Variants in ABCA13 observed in about 807,000 individuals in gnomAD.
ABCA13 encodes the protein ATP-binding cassette sub-family A member 13.
A neutral mutation model predicts 478.7 loss-of-function variants in ABCA13; 476 were observed. The observed-to-expected ratio is 0.99, with a 90% CI of 0.92 to 1.07. The LOEUF (loss-of-function observed/expected upper bound fraction) is 1.07. ABCA13 is among the 50% of genes least tolerant of loss of function. The probability of loss-of-function intolerance (pLI) is 0.00; values close to 1 mark genes in which losing one functional copy is unlikely to be tolerated. For missense variants in ABCA13, 6,060 were observed against 5,910.6 expected, an observed-to-expected ratio of 1.03 and a Z score of -0.83; for synonymous variants, 2,252 against 2,158.9, an observed-to-expected ratio of 1.04 and a Z score of -1.20.
At chr7:48,421,083 G>A (rs1235186935) in intron 41 of ABCA13, among the ~76,000 whole-genome samples, 1 of 152,198 alleles carries the variant, frequency 6.6e-6, no homozygotes, top group Non-Finnish European at 1.5e-5. Context: ...GCTCCTGGCT[G>A]CCTGCTACAC....
rs2128782393 is a variant in ABCA13 at position 48,281,567 on chromosome 7, G to A, written c.8836+115G>A. On this transcript the variant is annotated intron_variant, in intron 19 of 61. Transcript: ENST00000435803. ...GTTTCTTTTAGAACAAAGCACAGCT[G>A]TCTTAGTCTGGCAACCAGGCCTTGA... 3.2e-6 allele frequency: 3 copies of A among 940,648 alleles called. No homozygotes were observed. The East Asian group carries it at 8.0e-5, about 25-fold the overall frequency. 58.3% of individuals were successfully genotyped at this position (940,648 alleles called of 1,614,324 possible).
chr7:48,267,235 A>T (rs925354127), intron 15 of ABCA13, among the ~76,000 whole-genome samples: 1 of 152,046 alleles, frequency 6.6e-6, no homozygotes, highest in African/African-American at 2.4e-5. Context: ...ATCCTTACTG[A>T]TATTATGTCT....
At chr7:48,334,408 C>T (rs138495082) in intron 27 of ABCA13, among the ~76,000 whole-genome samples, 5,653 of 151,102 alleles carry the variant, frequency 0.037, 126 homozygotes, top group Middle Eastern at 0.058. Context: ...AATCTTGGCT[C>T]ACTGCAAGCT....
chr7:48,246,657 A>G (rs1791735656), intron 13 of ABCA13, among the ~76,000 whole-genome samples: 1 of 152,182 alleles, frequency 6.6e-6, no homozygotes, highest in Admixed American at 6.5e-5. Context: ...TAATGAAACT[A>G]GTGAAATATA....
intron 53 of ABCA13, among the ~76,000 whole-genome samples, chr7:48,523,770 T>G (rs1023092130): frequency 7.2e-5 from 11 of 152,280 alleles, no homozygotes; most frequent in African/African-American, 2.6e-4. Context: ...GAATACTTTT[T>G]GCAAAGTATT....
At chr7:48,229,061 C>T (rs1246867760) in intron 6 of ABCA13, among the ~76,000 whole-genome samples, 1 of 152,012 alleles carries the variant, frequency 6.6e-6, no homozygotes, top group African/African-American at 2.4e-5. Flanking sequence ...CTTCAATACA[C>T]AAAGTTGTCA....
chr7:48,503,953 C>A (rs2130838937), intron 48 of ABCA13, among the ~76,000 whole-genome samples: 2 of 152,166 alleles, frequency 1.3e-5, no homozygotes, highest in African/African-American at 4.8e-5. Flanking sequence ...GTAATGTATA[C>A]ATATATCAAA....
At chr7:48,347,109 T>A (rs1808235532) in intron 29 of ABCA13, among the ~76,000 whole-genome samples, 1 of 152,218 alleles carries the variant, frequency 6.6e-6, no homozygotes, top group Non-Finnish European at 1.5e-5. Context: ...CAGTAGCATT[T>A]CACAGCACTG....
chr7:48,511,919 A>G (rs1158087628), intron 51 of ABCA13, among the ~76,000 whole-genome samples: 1 of 152,186 alleles, frequency 6.6e-6, no homozygotes, highest in Non-Finnish European at 1.5e-5. Flanking sequence ...AAATGAAGTG[A>G]TTTTTACAGT....
intron 43 of ABCA13, among the ~76,000 whole-genome samples, chr7:48,461,355 C>T (rs900945426): frequency 4.6e-5 from 7 of 152,130 alleles, no homozygotes; most frequent in African/African-American, 1.7e-4. Flanking sequence ...AACTCTGGAC[C>T]GACTTTGCAT....
intron 55 of ABCA13, among the ~76,000 whole-genome samples, chr7:48,548,883 A>C (rs1785059591): frequency 1.3e-5 from 2 of 151,666 alleles, no homozygotes; most frequent in African/African-American, 4.8e-5. Flanking sequence ...TGCCAGGCAC[A>C]GGTGAGTCTA....
At chr7:48,351,391 CAA>C (rs1808967245) in intron 30 of ABCA13, among the ~76,000 whole-genome samples, 1 of 152,136 alleles carries the variant, frequency 6.6e-6, no homozygotes, top group Non-Finnish European at 1.5e-5. Context: ...CAGACTAAAA[CAA>C]GAGAAGTTTA....
In ABCA13 at chr7:48,516,863, C is replaced by T. The variant is rs976440848; in HGVS notation, c.13779C>T (p.Ala4593=). 1.2e-6 allele frequency: 2 copies of T among 1,613,590 alleles called. No individual in the cohort carries two copies. Among genetic ancestry groups the T allele is most frequent in the Non-Finnish European group, 1.7e-6 (2 of 1,179,648 alleles). ...MLITIMPRLL[A]IISKAKNLQN... is the part of the protein sequence containing the mutation. The stretch of plus-strand genomic sequence containing the variant: ...TAACCATTATGCCCCGGTTGCTAGC[C>T]ATCATCTCCAAAGCTAAGGTCAGTA... The change falls in exon 52 of 62, where the codon GCC becomes GCT. Residue 4593 remains alanine (A), a synonymous_variant. Transcript: ENST00000435803.
rs545441905 is a variant in ABCA13, at chr7:48,417,327, G to C, written c.12459+4744G>C. ...TTTTCAACATTTCAAAAGAAACCCA[G>C]TGCCTTCTAGTCACATTTAGGATTT... is the stretch of plus-strand genomic sequence containing the variant. On this transcript the variant is annotated intron_variant, in intron 41 of 61. Coordinates refer to ENST00000435803, the MANE Select transcript of ABCA13 (RefSeq NM_152701.5). Among the ~76,000 whole-genome samples the C allele has an allele frequency of 1.4e-4, 22 of 152,182 alleles. No individual in the cohort carries two copies. In the South Asian group the frequency reaches 4.1e-3, roughly 29 times the overall value.
intron 50 of ABCA13, among the ~76,000 whole-genome samples, chr7:48,510,176 A>G (rs1476183553): frequency 0.035 from 3 of 86 alleles, no homozygotes; most frequent in Non-Finnish European, 0.079. Context: ...TGCGCAGGAT[A>G]CAGTTGGCCA....
At chr7:48,464,608 T>G (rs985590394) in intron 43 of ABCA13, among the ~76,000 whole-genome samples, 1 of 152,200 alleles carries the variant, frequency 6.6e-6, no homozygotes, top group African/African-American at 2.4e-5. Flanking sequence ...GCATTTCTTC[T>G]CAATTAAATT....
chr7:48,270,325 A>G (rs182544408), intron 16 of ABCA13, among the ~76,000 whole-genome samples: 2 of 152,344 alleles, frequency 1.3e-5, no homozygotes, highest in Admixed American at 1.3e-4. Context: ...GGAATGAACT[A>G]AGATAGTAGT....
intron 31 of ABCA13, among the ~76,000 whole-genome samples, chr7:48,359,876 A>G (rs1176311595): frequency 6.6e-6 from 1 of 152,042 alleles, no homozygotes; most frequent in African/African-American, 2.4e-5. Context: ...GAGGCAAGTA[A>G]CAGATCAAAT....
chr7:48,202,923 C>G (rs1799006630), intron 3 of ABCA13, among the ~76,000 whole-genome samples: 2 of 152,244 alleles, frequency 1.3e-5, no homozygotes. Context: ...CGCTCCTCAG[C>G]CCTTGGGCGG....
Sources: allele counts gnomAD v4.1 joint callset (sites outside exome capture counted in the v4.1 genomes callset), GRCh38; gene constraint gnomAD v4.1.1; transcripts MANE v1.5; gene names NCBI Gene and HGNC (gene_info 2026-07-23, HGNC 2026-07-21).